Variants in CR2 observed in about 807,000 individuals in gnomAD.
CR2 encodes the protein complement C3d receptor 2.
In CR2, 96 loss-of-function variants were observed where a neutral mutation model predicts 123.0. The observed-to-expected ratio is 0.78, with a 90% confidence interval of 0.66 to 0.93. CR2 has a LOEUF of 0.93. Ranked by LOEUF, CR2 falls within the 40% of genes least tolerant of loss-of-function variation. The probability of loss-of-function intolerance (pLI) is 0.00; values close to 1 mark genes in which losing one functional copy is unlikely to be tolerated. For synonymous variants in CR2, 484 were observed against 469.5 expected (o/e 1.03, Z -0.40); for missense variants, 1,258 against 1,361.0 (o/e 0.92, Z 1.19).
chr1:207,483,982 C>T (rs903666142), intron 18 of CR2, among the ~76,000 whole-genome samples: 1 of 151,922 alleles, frequency 6.6e-6, no homozygotes, highest in African/African-American at 2.4e-5. Context: ...CAGAGAGTAG[C>T]GTCACAGAAT....
At chr1:207,477,331 CA>C (rs1658470696) in intron 15 of CR2, among the ~76,000 whole-genome samples, 1 of 152,082 alleles carries the variant, frequency 6.6e-6, no homozygotes, top group South Asian at 2.1e-4. Flanking sequence ...TTTACTATCA[CA>C]AAAACAACAC....
At position 207,474,999 on chromosome 1, in the gene CR2, G is replaced by T. The variant is rs1459823839; in HGVS notation, c.2499G>T (p.Gly833=). 6.8e-6 allele frequency: 11 copies of T among 1,614,000 alleles called. No homozygotes were observed. The highest frequency in any genetic ancestry group is 8.5e-6 in the Non-Finnish European group (10 of 1,179,990). The part of the protein sequence containing the change: ...SDSKGHGSWS[G]PSPQCLRSPP... ...CTAAAGGACATGGATCTTGGAGCGG[G>T]CCTTCCCCACAGTGCTTACGATCTC... The change falls in exon 14 of 20, where the codon GGG becomes GGT. Residue 833 remains glycine (G), a synonymous_variant. Coordinates refer to ENST00000367057, the MANE Select transcript of CR2 (RefSeq NM_001006658.3).
rs1224814404 is a variant in CR2 at position 207,475,189 on chromosome 1, C to T, written c.2689C>T (p.Pro897Ser). ...GTGTCATACTGATAACACATGGGTGCCAGGTGTGCCAACTTGTATCAAAAA... is the reference window on the plus strand; with the variant it reads ...GTGTCATACTGATAACACATGGGTGTCAGGTGTGCCAACTTGTATCAAAAA... ...IRCHTDNTWV[P>S]GVPTCIKKAF... Residue 897 changes from proline (P) to serine (S), a missense_variant, in exon 14 of 20, where the codon CCA becomes TCA. Coordinates refer to ENST00000367057, the MANE Select transcript of CR2 (RefSeq NM_001006658.3). The T allele has an allele frequency of 1.9e-6, 3 of 1,613,790 alleles. No individual in the cohort carries two copies. The highest frequency in any genetic ancestry group is 2.5e-6 in the Non-Finnish European group (3 of 1,179,894).
chr1:207,473,151 G>T lies in CR2; in HGVS notation c.1950G>T (p.Trp650Cys). 6.2e-7 allele frequency: 1 copy of T among 1,613,860 alleles called. No individual in the cohort carries two copies. The highest frequency in any genetic ancestry group is 8.5e-7 in the Non-Finnish European group (1 of 1,179,874). ...TTCGTTGCAAAGCTGATAACACCTG[G>T]GATCCTGAAATACCAGTTTGTGAAA... Reference protein sequence around the residue: ...SQIRCKADNTWDPEIPVCEKG... With the variant: ...SQIRCKADNTCDPEIPVCEKG... Residue 650 changes from tryptophan (W) to cysteine (C), a missense_variant, in exon 10 of 20, where the codon TGG (tryptophan) becomes TGT (cysteine). Transcript: ENST00000367057.
Position 207,489,231 on chromosome 1 carries a change from A to G in CR2, c.*108A>G, listed in dbSNP as rs190968667. The G allele has an allele frequency of 4.7e-4, 71 of 152,334 alleles. No individual in the cohort carries two copies. Among genetic ancestry groups the G allele is most frequent in the African/African-American group, 1.6e-3 (67 of 41,568 alleles). 9.4% of individuals were successfully genotyped at this position (152,334 alleles called of 1,614,324 possible). ...GTCTCTTTATATGGCCTCAAGATCA[A>G]TGAAATGATGTCATAAGCGATCACT... On this transcript the variant is annotated 3_prime_UTR_variant, in exon 20 of 20. Transcript: ENST00000367057.
At chr1:207,477,794 T>G in intron 15 of CR2, 91 bp from the exon 16 acceptor site, 1 of 1,198,326 alleles carries the variant, frequency 8.3e-7, no homozygotes, top group South Asian at 1.3e-5. Context: ...AACAGGTTGG[T>G]TTTATAAATC....
chr1:207,487,464 A>T (rs1658781435), intron 19 of CR2, among the ~76,000 whole-genome samples: 1 of 152,184 alleles, frequency 6.6e-6, no homozygotes, highest in Non-Finnish European at 1.5e-5. Context: ...GAACTTGACA[A>T]GACAGTTTTT....
chr1:207,454,905 G>A lies in CR2; in HGVS notation c.58+429G>A, dbSNP rs1302315782. On this transcript the variant is annotated intron_variant, in intron 1 of 19. Coordinates refer to ENST00000367057, the MANE Select transcript of CR2 (RefSeq NM_001006658.3). This position sits in a 1 kb window ranked among gnomAD's most constrained non-coding sequence, Gnocchi z 4.3. ...GGCTGTTTCTGTACACCCGAACCGCGCTCTTGCCCAGCAAAAGCGGCAGAA... is the reference window on the plus strand; with the variant it reads ...GGCTGTTTCTGTACACCCGAACCGCACTCTTGCCCAGCAAAAGCGGCAGAA... 2 of 165,288 alleles carry A rather than the reference G, an allele frequency of 1.2e-5. No individual in the cohort carries two copies. Among genetic ancestry groups the A allele is most frequent in the Non-Finnish European group, 2.6e-5 (2 of 76,626 alleles). The allele number at this position is 165,288 out of a possible 1,614,324, so 10.2% of individuals were successfully genotyped here. A position where few individuals can be genotyped will look rare whatever the true frequency, so the allele number is the denominator to read the frequency against.
intron 12 of CR2, 42 bp from the exon 13 acceptor site, chr1:207,474,199 A>G (rs41304099): frequency 2.8e-6 from 4 of 1,426,104 alleles, no homozygotes; most frequent in Non-Finnish European, 4.0e-6. Context: ...AAGAGATATG[A>G]TATTGGGAAC....
chr1:207,456,884 CTCTTTAT>C (rs1455251239), intron 1 of CR2, among the ~76,000 whole-genome samples: 1 of 152,218 alleles, frequency 6.6e-6, no homozygotes, highest in Admixed American at 6.5e-5. Flanking sequence ...CACTGGCCTT[CTCTTTAT>C]TCTTTGAGCA....
Position 207,472,863 on chromosome 1 carries a change from C to T in CR2, c.1662C>T (p.Tyr554=). ...EDFPYGTTVT[Y]TCNPGPERGV... is the part of the protein sequence containing the mutation. Reference sequence around the variant, plus strand: ...TTCCATATGGAACCACGGTCACTTACACATGTAACCCTGGGCCAGAAAGAG... The same window carrying T: ...TTCCATATGGAACCACGGTCACTTATACATGTAACCCTGGGCCAGAAAGAG... The change falls in exon 10 of 20, where the codon TAC becomes TAT. Residue 554 remains tyrosine (Y), a synonymous_variant. Coordinates refer to ENST00000367057, the MANE Select transcript of CR2 (RefSeq NM_001006658.3). 1.9e-6 allele frequency: 3 copies of T among 1,614,046 alleles called. No individual in the cohort carries two copies. Among genetic ancestry groups the T allele is most frequent in the South Asian group, 1.1e-5 (1 of 91,078 alleles).
At chr1:207,472,489 A>T (rs1347156204) in intron 9 of CR2, among the ~76,000 whole-genome samples, 2 of 152,194 alleles carry the variant, frequency 1.3e-5, no homozygotes, top group African/African-American at 4.8e-5. Flanking sequence ...TTGCCTAATT[A>T]AAAAGAATTC....
chr1:207,475,102 A>C lies in CR2; in HGVS notation c.2602A>C (p.Asn868His). 2 of 1,612,488 alleles carry C rather than the reference A, an allele frequency of 1.2e-6. No homozygotes were observed. The highest frequency in any genetic ancestry group is 1.7e-6 in the Non-Finnish European group (2 of 1,179,038). Reference sequence around the variant, plus strand: ...TAAAACACATTCTGCATATTCCCACAATGACATAGTGTATGTTGACTGCAA... The same window carrying C: ...TAAAACACATTCTGCATATTCCCACCATGACATAGTGTATGTTGACTGCAA... ...LNKTHSAYSH[N>H]DIVYVDCNPG... The change falls in exon 14 of 20, where the codon AAT (asparagine) becomes CAT (histidine). Residue 868 changes from asparagine to histidine, a missense_variant. Physicochemically the swap from Asn to His is moderately conservative, Grantham distance 68. Coordinates refer to ENST00000367057, the MANE Select transcript of CR2 (RefSeq NM_001006658.3).
intron 18 of CR2, among the ~76,000 whole-genome samples, chr1:207,481,673 C>G (rs1266026325): frequency 2.6e-5 from 4 of 151,910 alleles, no homozygotes; most frequent in Non-Finnish European, 5.9e-5. Context: ...CCAGAAATAC[C>G]AGATGACTAA....
chr1:207,479,938 C>A (rs370639422), intron 17 of CR2, 40 bp from the exon 18 acceptor site: 5 of 1,455,164 alleles, frequency 3.4e-6, no homozygotes, highest in Admixed American at 3.3e-5. Context: ...TGTAGGTGAT[C>A]GTCTTCTGGC....
chr1:207,488,129 G>A (rs1339814946), intron 19 of CR2, among the ~76,000 whole-genome samples: 2 of 152,138 alleles, frequency 1.3e-5, no homozygotes, highest in Non-Finnish European at 1.5e-5. Context: ...ACTCTGTCCG[G>A]GGATTATGTG....
chr1:207,468,550 C>G lies in CR2; in HGVS notation c.469C>G (p.Leu157Val), dbSNP rs936251537. The G allele has an allele frequency of 1.2e-6, 2 of 1,613,856 alleles. No individual in the cohort carries two copies. Among genetic ancestry groups the G allele is most frequent in the Non-Finnish European group, 1.7e-6 (2 of 1,179,942 alleles). The stretch of plus-strand genomic sequence containing the variant: ...AGTTTTCCCTCTCGAGTGTCCAGCA[C>G]TTCCTATGATCCACAATGGACATCA... ...VSVFPLECPA[L>V]PMIHNGHHTS... Residue 157 changes from leucine (L) to valine (V), a missense_variant, in exon 3 of 20, where the codon CTT becomes GTT. Physicochemically the swap from Leu to Val is conservative, Grantham distance 32 (BLOSUM62 1). Coordinates refer to ENST00000367057, the MANE Select transcript of CR2 (RefSeq NM_001006658.3).
At chr1:207,483,066 G>A (rs1658648807) in intron 18 of CR2, among the ~76,000 whole-genome samples, 1 of 152,178 alleles carries the variant, frequency 6.6e-6, no homozygotes, top group Admixed American at 6.5e-5. Flanking sequence ...GTTGGCCTCG[G>A]ATGTTATGTG....
rs1467221435 is a variant in CR2 at position 207,489,890 on chromosome 1, A to G, written c.*767A>G. 1 of 138,110 alleles carries G rather than the reference A, an allele frequency of 7.2e-6. No individual in the cohort carries two copies. Among genetic ancestry groups the G allele is most frequent in the Non-Finnish European group, 1.6e-5 (1 of 64,296 alleles). The allele number at this position is 138,110 out of a possible 1,614,324, so 8.6% of individuals were successfully genotyped here. A position where few individuals can be genotyped will look rare whatever the true frequency, so the allele number is the denominator to read the frequency against. On this transcript the variant is annotated 3_prime_UTR_variant, in exon 20 of 20. Coordinates refer to ENST00000367057, the MANE Select transcript of CR2 (RefSeq NM_001006658.3). ...AATAAATTGTAATTGTAAAGAAAAC[A>G]TACAACACTTGCCTTATTTTGTTTT...
Sources: allele counts gnomAD v4.1 joint callset (sites outside exome capture counted in the v4.1 genomes callset), GRCh38; gene constraint gnomAD v4.1.1; non-coding constraint Gnocchi (gnomAD v3.1); transcripts MANE v1.5; gene names NCBI Gene and HGNC (gene_info 2026-07-23, HGNC 2026-07-21).